DPH6: variants seen among roughly 807,000 people sequenced by gnomAD.
The protein encoded by DPH6 is diphthine--ammonia ligase.
DPH6 carries 33 observed loss-of-function variants against 38.2 expected under a neutral mutation model. The ratio of observed to expected loss-of-function variants is 0.86; its 90% CI spans 0.65 to 1.15. The LOEUF (loss-of-function observed/expected upper bound fraction) is 1.15, where lower values mean the gene tolerates loss of function less well. Among genes scored for constraint, DPH6 ranks in the 50% most tolerant of loss-of-function variants. The probability of loss-of-function intolerance (pLI) is 0.00; values close to 1 mark genes in which losing one functional copy is unlikely to be tolerated. For missense variants in DPH6, 325 were observed against 320.0 expected, an observed-to-expected ratio of 1.02 and a Z score of -0.12; for synonymous variants, 108 against 103.0, an observed-to-expected ratio of 1.05 and a Z score of -0.30.
intron 3 of DPH6, among the ~76,000 whole-genome samples, chr15:35,267,895 G>C (rs2051792967): frequency 6.6e-6 from 1 of 152,126 alleles, no homozygotes; most frequent in South Asian, 2.1e-4. Context: ...ACTAGGCCAG[G>C]CGCGGTGGCT....
chr15:35,155,299 TTGTA>T, the DPH6 span, among the ~76,000 whole-genome samples: 5 of 152,220 alleles, frequency 3.3e-5, no homozygotes, highest in Admixed American at 3.3e-4. Flanking sequence ...TTCTTTTACC[TTGTA>T]TGTGTGTGTA....
chr15:35,360,391 G>A (rs758629369), intron 3 of DPH6, among the ~76,000 whole-genome samples: 3 of 152,156 alleles, frequency 2.0e-5, no homozygotes, highest in African/African-American at 4.8e-5. Context: ...GTCACAAGAG[G>A]ACTTCTGGGT....
intron 3 of DPH6, among the ~76,000 whole-genome samples, chr15:35,315,553 G>A (rs1436073663): frequency 6.6e-6 from 1 of 152,200 alleles, no homozygotes; most frequent in East Asian, 1.9e-4. Flanking sequence ...ATGCTGGTGA[G>A]GATGTGGAAA....
chr15:35,255,244 T>A (rs1223078528), intron 3 of DPH6, among the ~76,000 whole-genome samples: 3 of 152,210 alleles, frequency 2.0e-5, no homozygotes, highest in African/African-American at 7.2e-5. Flanking sequence ...ATCATTAACA[T>A]AATGAAAAGA....
At chr15:35,354,485 C>T (rs563894398) in intron 3 of DPH6, among the ~76,000 whole-genome samples, 1 of 152,298 alleles carries the variant, frequency 6.6e-6, no homozygotes, top group African/African-American at 2.4e-5. Flanking sequence ...GAGTTTTTAG[C>T]ATGAAGCGTT....
At chr15:35,285,838 T>TTC (rs2051937136) in intron 3 of DPH6, among the ~76,000 whole-genome samples, 1 of 146,638 alleles carries the variant, frequency 6.8e-6, no homozygotes, top group Non-Finnish European at 1.5e-5. Context: ...CCTGATGAGA[T>TTC]TCTGGACTGA....
intron 5 of DPH6, among the ~76,000 whole-genome samples, chr15:35,433,673 T>C (rs1199560042): frequency 1.3e-5 from 2 of 152,206 alleles, no homozygotes; most frequent in Non-Finnish European, 2.9e-5. Flanking sequence ...GAATCAGATT[T>C]CACCCTAGTT....
At chr15:35,263,409 TTTTTTTTTTTTTTA>T (rs1301593782) in intron 3 of DPH6, among the ~76,000 whole-genome samples, 4 of 146,130 alleles carry the variant, frequency 2.7e-5, no homozygotes, top group African/African-American at 1.0e-4. Flanking sequence ...TTTTTTTTTT[TTTTTTTTTTTTTTA>T]GAGACAGGGT....
intron 5 of DPH6, among the ~76,000 whole-genome samples, chr15:35,436,449 G>C (rs1217128770): frequency 7.3e-6 from 1 of 137,542 alleles, no homozygotes; most frequent in Non-Finnish European, 1.5e-5. Flanking sequence ...CTGGGAGACA[G>C]AGTGAGACTC....
chr15:35,297,656 T>C (rs1449455512), intron 3 of DPH6, among the ~76,000 whole-genome samples: 1 of 152,114 alleles, frequency 6.6e-6, no homozygotes, highest in African/African-American at 2.4e-5. Context: ...TCCTAGACTT[T>C]AATCTCTATC....
At chr15:35,393,755 G>A (rs1055243728) in intron 6 of DPH6, among the ~76,000 whole-genome samples, 1 of 152,096 alleles carries the variant, frequency 6.6e-6, no homozygotes, top group Non-Finnish European at 1.5e-5. Context: ...CTGTTTTCTC[G>A]AATGTCAAGG....
chr15:35,317,590 C>CAAAAAAAAAAAAGAA (rs61113463), intron 3 of DPH6, among the ~76,000 whole-genome samples: 35 of 73,800 alleles, frequency 4.7e-4, no homozygotes, highest in African/African-American at 1.3e-3. Context: ...TTCTGCTGGA[C>CAAAAAAAAAAAAGAA]AAAAAAAAAA....
At chr15:35,211,558 A>G in the DPH6 span, among the ~76,000 whole-genome samples, 2 of 152,208 alleles carry the variant, frequency 1.3e-5, no homozygotes, top group African/African-American at 4.8e-5. Flanking sequence ...ATCTTTCTAA[A>G]TTGTTTGGAA....
the DPH6 span, among the ~76,000 whole-genome samples, chr15:35,197,006 T>C: frequency 6.6e-6 from 1 of 152,196 alleles, no homozygotes; most frequent in Non-Finnish European, 1.5e-5. Context: ...GAGGGTTAAA[T>C]TGCATTGGAC....
At chr15:35,157,800 T>G in the DPH6 span, among the ~76,000 whole-genome samples, 33 of 152,222 alleles carry the variant, frequency 2.2e-4, no homozygotes, top group African/African-American at 7.9e-4. Flanking sequence ...AGAAAGGAAT[T>G]AAAAATGTTC....
intron 3 of DPH6, among the ~76,000 whole-genome samples, chr15:35,272,328 T>C (rs2051827406): frequency 6.6e-6 from 1 of 152,168 alleles, no homozygotes; most frequent in South Asian, 2.1e-4. Flanking sequence ...ATAGGGGTCC[T>C]GTAAGTTTTC....
intron 3 of DPH6, among the ~76,000 whole-genome samples, chr15:35,473,085 C>T (rs376834185): frequency 1.3e-5 from 2 of 152,046 alleles, no homozygotes; most frequent in Non-Finnish European, 2.9e-5. Context: ...AATATGAAAA[C>T]TTAGTGGGAG....
chr15:35,302,812 T>C (rs2052063321), intron 3 of DPH6, among the ~76,000 whole-genome samples: 7 of 151,978 alleles, frequency 4.6e-5, no homozygotes, highest in Admixed American at 4.6e-4. Flanking sequence ...TTTTTTCTCA[T>C]GGCATTTCAG....
chr15:35,350,584 C>T (rs1441185492), intron 3 of DPH6, among the ~76,000 whole-genome samples: 1 of 151,926 alleles, frequency 6.6e-6, no homozygotes, highest in Non-Finnish European at 1.5e-5. Flanking sequence ...TCCAAATTTC[C>T]CTCTTAGAGC....
Sources: gnomAD v4.1 joint callset for allele counts (sites outside exome capture counted in the v4.1 genomes callset) on GRCh38, gnomAD v4.1.1 for gene constraint, MANE v1.5 for transcripts, NCBI Gene and HGNC (gene_info 2026-07-23, HGNC 2026-07-21) for gene names.